COBL: variants seen among roughly 807,000 people sequenced by gnomAD.
COBL encodes cordon-bleu WH2 repeat protein.
A neutral mutation model predicts 98.8 loss-of-function variants in COBL; 51 were observed. The observed-to-expected ratio is 0.52, with a 90% confidence interval of 0.41 to 0.65. The LOEUF is 0.65. Ranked by LOEUF, COBL falls within the 30% of genes least tolerant of loss-of-function variation. The pLI, the probability that COBL is intolerant of heterozygous loss-of-function variation, is 0.00. For synonymous variants in COBL, 634 were observed against 651.7 expected (o/e 0.97, Z 0.41); for missense variants, 1,617 against 1,617.5 (o/e 1.00, Z 0.01).
intron 1 of COBL, among the ~76,000 whole-genome samples, chr7:51,286,764 T>G (rs1490222793): frequency 6.6e-6 from 1 of 152,088 alleles, no homozygotes; most frequent in Non-Finnish European, 1.5e-5. Context: ...TGGATATATA[T>G]CCAAAGGAAA....
At chr7:51,033,708 A>G (rs1788365221) in intron 8 of COBL, 1 of 152,268 alleles carries the variant, frequency 6.6e-6, no homozygotes, top group South Asian at 2.1e-4. Flanking sequence ...GCAAATTTTT[A>G]GCCAGCAAAA....
At chr7:51,152,200 CAG>C (rs550903491) in intron 5 of COBL, among the ~76,000 whole-genome samples, 89 of 152,282 alleles carry the variant, frequency 5.8e-4, no homozygotes, top group South Asian at 1.5e-3. Context: ...GACAAATGAG[CAG>C]AGATGACCAG....
intron 6 of COBL, among the ~76,000 whole-genome samples, chr7:51,114,346 G>C: frequency 6.7e-6 from 1 of 148,944 alleles, no homozygotes; most frequent in Non-Finnish European, 1.5e-5. Flanking sequence ...GTCAAATTCT[G>C]AGGGCTGGTT....
intron 1 of COBL, among the ~76,000 whole-genome samples, chr7:51,290,595 C>T (rs1201395594): frequency 6.6e-6 from 1 of 152,162 alleles, no homozygotes; most frequent in African/African-American, 2.4e-5. Context: ...CAAATTTAGG[C>T]TCGCCCCACC....
At chr7:51,151,271 C>T (rs1449720809) in intron 5 of COBL, among the ~76,000 whole-genome samples, 14 of 152,202 alleles carry the variant, frequency 9.2e-5, no homozygotes, top group Non-Finnish European at 1.8e-4. Context: ...TCTGTATAAA[C>T]GCTGTATGTC....
chr7:51,067,571 T>C (rs1270625712), intron 7 of COBL, among the ~76,000 whole-genome samples: 3 of 152,184 alleles, frequency 2.0e-5, no homozygotes, highest in Admixed American at 1.3e-4. Flanking sequence ...CACACATCCC[T>C]TTTTAGAACC....
intron 5 of COBL, among the ~76,000 whole-genome samples, chr7:51,179,781 C>T (rs1412628935): frequency 6.6e-6 from 1 of 152,086 alleles, no homozygotes; most frequent in Non-Finnish European, 1.5e-5. Context: ...AAGAAAAAAT[C>T]CAGTAATCTA....
chr7:51,300,639 G>C (rs1302867150), intron 1 of COBL, among the ~76,000 whole-genome samples: 1 of 152,180 alleles, frequency 6.6e-6, no homozygotes, highest in Non-Finnish European at 1.5e-5. Flanking sequence ...GCAGGAACGC[G>C]GTCTGGGGCT....
chr7:51,306,198 C>G (rs929709930), intron 1 of COBL, among the ~76,000 whole-genome samples: 1 of 152,080 alleles, frequency 6.6e-6, no homozygotes, highest in Non-Finnish European at 1.5e-5. Flanking sequence ...TGCCACACAC[C>G]AGGGCTATTT....
chr7:51,205,646 T>C (rs1214933117), intron 2 of COBL, among the ~76,000 whole-genome samples: 3 of 107,092 alleles, frequency 2.8e-5, no homozygotes, highest in African/African-American at 6.1e-5. Flanking sequence ...TTTGGTTTTT[T>C]GTTTTTTTTT....
intron 1 of COBL, among the ~76,000 whole-genome samples, chr7:51,252,121 CATT>C (rs1796776755): frequency 6.6e-6 from 1 of 151,910 alleles, no homozygotes; most frequent in African/African-American, 2.4e-5. Context: ...CACTGCATTT[CATT>C]ATTAGATCTC....
At chr7:51,227,184 G>C (rs149429993) in intron 1 of COBL, among the ~76,000 whole-genome samples, 477 of 152,300 alleles carry the variant, frequency 3.1e-3, no homozygotes, top group Non-Finnish European at 5.2e-3. Flanking sequence ...GCACACAGTT[G>C]TAGAGACGCC....
intron 7 of COBL, among the ~76,000 whole-genome samples, chr7:51,046,696 C>T (rs1299411407): frequency 1.3e-5 from 2 of 152,122 alleles, no homozygotes; most frequent in Middle Eastern, 6.3e-3. Context: ...GCTTGGGCTG[C>T]ATCGAGGTTG....
chr7:51,022,326 C>T (rs1269809623), intron 12 of COBL, among the ~76,000 whole-genome samples: 1 of 152,206 alleles, frequency 6.6e-6, no homozygotes, highest in Non-Finnish European at 1.5e-5. Flanking sequence ...AAAACCTGGA[C>T]TTTTGAATGC....
intron 6 of COBL, among the ~76,000 whole-genome samples, chr7:51,112,464 A>G (rs968304701): frequency 6.6e-6 from 1 of 152,210 alleles, no homozygotes; most frequent in Non-Finnish European, 1.5e-5. Context: ...TTCATGATCA[A>G]TGAGCACTGT....
chr7:51,272,886 T>G (rs940054257), intron 1 of COBL, among the ~76,000 whole-genome samples: 1 of 152,112 alleles, frequency 6.6e-6, no homozygotes, highest in African/African-American at 2.4e-5. Context: ...AACTTAATAC[T>G]ACACAAGTCC....
At chr7:51,087,927 A>G (rs1794439454) in intron 6 of COBL, among the ~76,000 whole-genome samples, 1 of 151,982 alleles carries the variant, frequency 6.6e-6, no homozygotes, top group Non-Finnish European at 1.5e-5. Flanking sequence ...GTCAGTATAG[A>G]TGCCTACAGG....
Position 51,030,905 on chromosome 7 carries a change from C to A in COBL, c.1411G>T (p.Glu471Ter). The A allele has an allele frequency of 6.2e-7, 1 of 1,603,552 alleles. No individual in the cohort carries two copies. Among genetic ancestry groups the A allele is most frequent in the South Asian group, 1.1e-5 (1 of 90,748 alleles). ...TCATTTGAGGCTGTGACAGCTTTTT[C>A]AGTTCTAGGGAAGACCAAAGAGAAA... ...NGSENSHLRT[E>*]KAVTASNDEE... Residue 471 changes from glutamate to a stop codon, truncating the protein, a stop_gained, in exon 9 of 13, where the codon GAA (glutamate) becomes TAA (stop). Coordinates refer to ENST00000265136, the MANE Select transcript of COBL (RefSeq NM_015198.5). LOFTEE classifies it high-confidence loss of function.
intron 1 of COBL, among the ~76,000 whole-genome samples, chr7:51,257,548 A>T (rs1027507616): frequency 7.2e-5 from 11 of 152,248 alleles, no homozygotes; most frequent in Non-Finnish European, 1.5e-4. Flanking sequence ...TTCATTCTGC[A>T]TAAGAAAGTA....
Sources: gnomAD v4.1 joint callset for allele counts (sites outside exome capture counted in the v4.1 genomes callset) on GRCh38, gnomAD v4.1.1 for gene constraint, MANE v1.5 for transcripts, NCBI Gene and HGNC (gene_info 2026-07-23, HGNC 2026-07-21) for gene names.